Variants in ACSBG1 observed in about 807,000 individuals in gnomAD.
ACSBG1 encodes the protein long-chain-fatty-acid--CoA ligase ACSBG1.
In ACSBG1, 39 loss-of-function variants were observed where a neutral mutation model predicts 80.2. The ratio of observed to expected loss-of-function variants is 0.49; its 90% CI spans 0.38 to 0.64. The LOEUF (loss-of-function observed/expected upper bound fraction) is 0.64, where lower values mean the gene tolerates loss of function less well. Among genes scored for constraint, ACSBG1 ranks in the 30% least tolerant of loss-of-function variants. The pLI, the probability that ACSBG1 is intolerant of heterozygous loss-of-function variation, is 0.00. For synonymous variants in ACSBG1, 392 were observed against 379.5 expected (o/e 1.03, Z -0.38); for missense variants, 828 against 966.4 (o/e 0.86, Z 1.90).
At chr15:78,205,179 GCCCAGTA>G (rs1158418631) in intron 2 of ACSBG1, among the ~76,000 whole-genome samples, 1 of 151,938 alleles carries the variant, frequency 6.6e-6, no homozygotes, top group African/African-American at 2.4e-5. Context: ...TGTCTCCAGG[GCCCAGTA>G]CAAGGCTGCC....
rs572311200 is a variant in ACSBG1, at chr15:78,201,886, A to G, written c.232+6116T>C. 2.0e-5 allele frequency among the ~76,000 whole-genome samples: 3 copies of G among 152,332 alleles called. No individual in the cohort carries two copies. The South Asian group carries it at 6.2e-4, about 32-fold the overall frequency. On this transcript the variant is annotated intron_variant, in intron 2 of 13. Coordinates refer to ENST00000258873, the MANE Select transcript of ACSBG1 (RefSeq NM_015162.5). The stretch of plus-strand genomic sequence containing the variant: ...CAACATGCATGAGACCGGAGCTGCA[A>G]GCCCTGGCCAGAGGCTCATGAAGTT...
intron 2 of ACSBG1, among the ~76,000 whole-genome samples, chr15:78,207,447 G>A (rs891634736): frequency 2.6e-5 from 4 of 152,004 alleles, no homozygotes; most frequent in African/African-American, 9.7e-5. Context: ...CACAAAAGAT[G>A]TATTATTATT....
intron 5 of ACSBG1, among the ~76,000 whole-genome samples, chr15:78,186,128 C>T (rs1040741559): frequency 4.6e-5 from 7 of 152,146 alleles, no homozygotes; most frequent in Non-Finnish European, 1.0e-4. Context: ...GAATTGACCC[C>T]TTTACCATTA....
At position 78,182,749 on chromosome 15, in the gene ACSBG1, T is replaced by G. The variant is rs1219288404; in HGVS notation, c.700A>C (p.Ile234Leu). The G allele has an allele frequency of 6.2e-7, 1 of 1,614,110 alleles. No individual in the cohort carries two copies. The highest frequency in any genetic ancestry group is 8.5e-7 in the Non-Finnish European group (1 of 1,180,050). The change falls in exon 6 of 14, where the codon ATA (isoleucine) becomes CTA (leucine). Residue 234 changes from isoleucine to leucine, a missense_variant. By Grantham distance (5) the Ile-to-Leu change is conservative. This residue lies in a region of ACSBG1 where 356 missense variants were observed against 363.5 expected (regional missense o/e 0.98). Transcript: ENST00000258873. ...KQLPHLKAVVIYKEPPPNKMA... is the reference protein window; with the variant it reads ...KQLPHLKAVVLYKEPPPNKMA... Reference sequence around the variant, plus strand: ...TTGTTTGGAGGAGGTTCTTTATATATCACGACTGCCTTTAGATGTGGCAAC... The same window carrying G: ...TTGTTTGGAGGAGGTTCTTTATATAGCACGACTGCCTTTAGATGTGGCAAC...
At chr15:78,174,029 G>T (rs1391977202) in intron 12 of ACSBG1, among the ~76,000 whole-genome samples, 190 bp from the exon 13 acceptor site, 1 of 152,198 alleles carries the variant, frequency 6.6e-6, no homozygotes, top group Admixed American at 6.5e-5. Flanking sequence ...AGTGATCTGA[G>T]AATTAGAAGA....
intron 1 of ACSBG1, among the ~76,000 whole-genome samples, chr15:78,217,191 G>T (rs2075318905): frequency 6.6e-6 from 1 of 152,210 alleles, no homozygotes; most frequent in Admixed American, 6.5e-5. Flanking sequence ...AATAATCACA[G>T]TACTAGCTTG....
chr15:78,191,772 C>G (rs1200387970), intron 5 of ACSBG1, among the ~76,000 whole-genome samples: 1 of 152,212 alleles, frequency 6.6e-6, no homozygotes, highest in Admixed American at 6.5e-5. Context: ...CACCTGCCAT[C>G]ATGTGCCTCT....
Position 78,177,189 on chromosome 15 carries a change from TGAA to T in ACSBG1, c.1702+1422_1702+1424del, listed in dbSNP as rs1196627161. 2.0e-5 allele frequency among the ~76,000 whole-genome samples: 3 copies of T among 152,152 alleles called. No individual in the cohort carries two copies. Among genetic ancestry groups the T allele is most frequent in the South Asian group, 2.1e-4 (1 of 4,830 alleles). ...TGGCCAAGAATAGCCAAGGTCATCT[TGAA>T]GAAGAAGAAGACCAAGGCTGTAGGA... On this transcript the variant is annotated intron_variant, in intron 11 of 13. Transcript: ENST00000258873. This position sits in a 1 kb window ranked among gnomAD's most constrained non-coding sequence, Gnocchi z 4.1.
intron 10 of ACSBG1, 121 bp downstream of exon 10, chr15:78,179,429 A>T: frequency 1.1e-6 from 1 of 889,544 alleles, no homozygotes; most frequent in Non-Finnish European, 1.7e-6. Context: ...CCCAGTGGCC[A>T]GGTCTCTGGG....
rs748946533 is a variant in ACSBG1, at chr15:78,177,387, G to C, written c.1702+1227C>G. ...TATCACTGCAAGGCCATGGGGAAAG[G>C]ATGCTGTGTCCGTTGGATATGTATT... On this transcript the variant is annotated intron_variant, in intron 11 of 13. Coordinates refer to ENST00000258873, the MANE Select transcript of ACSBG1 (RefSeq NM_015162.5). This position sits in a 1 kb window ranked among gnomAD's most constrained non-coding sequence, Gnocchi z 4.1. Among the ~76,000 whole-genome samples the C allele has an allele frequency of 6.6e-6, 1 of 152,202 alleles. No individual in the cohort carries two copies. The highest frequency in any genetic ancestry group is 2.1e-4 in the South Asian group (1 of 4,832).
intron 2 of ACSBG1, among the ~76,000 whole-genome samples, 181 bp from the exon 3 acceptor site, chr15:78,194,907 G>A (rs1476586625): frequency 1.3e-5 from 2 of 152,252 alleles, no homozygotes; most frequent in Non-Finnish European, 2.9e-5. Context: ...AGAGGAGGAG[G>A]TCTGACTCAG....
At position 78,193,916 on chromosome 15, in the gene ACSBG1, T is replaced by C; in HGVS notation, c.542+16A>G. The C allele has an allele frequency of 6.2e-7, 1 of 1,609,270 alleles. No homozygotes were observed. Among genetic ancestry groups the C allele is most frequent in the Non-Finnish European group, 8.5e-7 (1 of 1,176,394 alleles). On this transcript the variant is annotated intron_variant, in intron 4 of 13. Coordinates refer to ENST00000258873, the MANE Select transcript of ACSBG1 (RefSeq NM_015162.5). ...GCCAACCCCCTGGAGACCCCGTCCC[T>C]GCCCCCGCCACTCACCCTGCAAATA...
chr15:78,174,925 A>C (rs1232570791), intron 11 of ACSBG1: 1 of 204,392 alleles, frequency 4.9e-6, no homozygotes, highest in Non-Finnish European at 1.0e-5. Flanking sequence ...ACATGCAGTA[A>C]TTCATTTAAC....
At chr15:78,215,780 A>AAG (rs1451607389) in intron 1 of ACSBG1, among the ~76,000 whole-genome samples, 1 of 147,830 alleles carries the variant, frequency 6.8e-6, no homozygotes, top group African/African-American at 2.6e-5. Flanking sequence ...GAAAGAAAGA[A>AAG]AGAAAGAGAA....
chr15:78,194,670 T>C lies in ACSBG1; in HGVS notation c.289A>G (p.Ser97Gly), dbSNP rs1406772233. The C allele has an allele frequency of 1.2e-6, 2 of 1,614,000 alleles. No individual in the cohort carries two copies. Among genetic ancestry groups the C allele is most frequent in the East Asian group, 2.2e-5 (1 of 44,860 alleles). Reference sequence around the variant, plus strand: ...ACAGTGTAGGGAAGCTGTGGGCAGCTGGGGTCTATGCGCAGGCGCACCCGC... The same window carrying C: ...ACAGTGTAGGGAAGCTGTGGGCAGCCGGGGTCTATGCGCAGGCGCACCCGC... ...DGRVRLRIDPSCPQLPYTVHR... is the reference protein window; with the variant it reads ...DGRVRLRIDPGCPQLPYTVHR... The change falls in exon 3 of 14, where the codon AGC becomes GGC. Residue 97 changes from serine (S) to glycine (G), a missense_variant. Around this residue, in one of 3 missense-constraint regions of ACSBG1, gnomAD observed 356 missense variants for 363.5 expected, o/e 0.98. Transcript: ENST00000258873.
intron 1 of ACSBG1, among the ~76,000 whole-genome samples, chr15:78,219,406 CAAAAA>C (rs34636353): frequency 3.3e-5 from 4 of 119,702 alleles, no homozygotes; most frequent in Admixed American, 8.4e-5. Flanking sequence ...GGCTTTGTCT[CAAAAA>C]AAAAAAAAAA....
In ACSBG1 at chr15:78,194,429, A is replaced by G. The variant is rs2075091496; in HGVS notation, c.453+77T>C. The G allele has an allele frequency of 5.8e-6, 8 of 1,388,870 alleles. No homozygotes were observed. In the Admixed American group the frequency reaches 1.5e-4, roughly 26 times the overall value. 86.0% of individuals were successfully genotyped at this position (1,388,870 alleles called of 1,614,324 possible). ...AGAGCCTTGCCCAGTGGGCAGTTGG[A>G]GAGGAGGCCTGTGAGGCCCAGAGCT... On this transcript the variant is annotated intron_variant, in intron 3 of 13. Transcript: ENST00000258873.
chr15:78,193,888 A>G (rs2075082932), intron 4 of ACSBG1, 44 bp downstream of exon 4: 3 of 1,604,184 alleles, frequency 1.9e-6, no homozygotes, highest in Non-Finnish European at 2.6e-6. Context: ...CCCTCTGCCC[A>G]CTGCCAACCC....
rs1465834720 is a variant in ACSBG1 at position 78,173,783 on chromosome 15, C to T, written c.1899G>A (p.Met633Ile). 1 of 1,614,072 alleles carries T rather than the reference C, an allele frequency of 6.2e-7. No individual in the cohort carries two copies. The highest frequency in any genetic ancestry group is 1.3e-5 in the African/African-American group (1 of 74,928). Residue 633 changes from methionine to isoleucine, a missense_variant, in exon 13 of 14, where the codon ATG (methionine) becomes ATA (isoleucine). Around this residue, in one of 3 missense-constraint regions of ACSBG1, gnomAD observed 201 missense variants for 227.0 expected, o/e 0.89. Transcript: ENST00000258873. ...DQTDNLTEQA[M>I]EFCQRVGSRA... ...TGCTGCCCACCCTCTGGCAGAACTC[C>T]ATAGCTTGTTCAGTCAGATTATCAG...
Sources: allele counts gnomAD v4.1 joint callset (sites outside exome capture counted in the v4.1 genomes callset), GRCh38; gene constraint gnomAD v4.1.1; regional missense constraint gnomAD v4.1.1; non-coding constraint Gnocchi (gnomAD v3.1); transcripts MANE v1.5; gene names NCBI Gene and HGNC (gene_info 2026-07-23, HGNC 2026-07-21).